Variants in JAK1 observed in about 807,000 individuals in gnomAD.
JAK1 encodes the protein tyrosine-protein kinase JAK1.
In JAK1, 16 loss-of-function variants were observed where a neutral mutation model predicts 136.6. That is an observed-to-expected ratio of 0.12 (90% CI 0.08 to 0.18). JAK1 has a LOEUF of 0.18. Ranked by LOEUF, JAK1 falls within the 10% of genes least tolerant of loss-of-function variation. JAK1 has a pLI of 1.00. For synonymous variants in JAK1, 492 were observed against 519.5 expected (o/e 0.95, Z 0.72); for missense variants, 859 against 1,450.1 (o/e 0.59, Z 6.62).
chr1:64,838,579 A>C lies in JAK1; in HGVS notation c.2853T>G (p.Gly951=). The change falls in exon 21 of 25, where the codon GGT becomes GGG. Residue 951 remains glycine, a synonymous_variant. Coordinates refer to ENST00000342505, the MANE Select transcript of JAK1 (RefSeq NM_002227.4). ...KGICTEDGGN[G]IKLIMEFLPS... Reference sequence around the variant, plus strand: ...GCAGAAATTCCATGATGAGCTTAATACCATTTCCTCCTGTTTAGAAAAAAC... The same window carrying C: ...GCAGAAATTCCATGATGAGCTTAATCCCATTTCCTCCTGTTTAGAAAAAAC... 1 of 1,613,802 alleles carries C rather than the reference A, an allele frequency of 6.2e-7. No homozygotes were observed.
chr1:64,948,871 G>A (rs1466411015), intron 1 of JAK1, among the ~76,000 whole-genome samples: 1 of 152,204 alleles, frequency 6.6e-6, no homozygotes, highest in Non-Finnish European at 1.5e-5. Context: ...ATGGTACTTG[G>A]AGGGAAATCT....
chr1:64,856,843 T>C (rs111734032), intron 10 of JAK1, among the ~76,000 whole-genome samples: 20 of 126,964 alleles, frequency 1.6e-4, no homozygotes, highest in Non-Finnish European at 2.7e-4. Context: ...GCCCCAGGGG[T>C]TCGCCAATAA....
intron 2 of JAK1, among the ~76,000 whole-genome samples, chr1:64,991,002 T>C (rs533316961): frequency 4.7e-5 from 7 of 149,200 alleles, no homozygotes; most frequent in Middle Eastern, 3.5e-3. Flanking sequence ...AGCCCAGATA[T>C]TGAACTTATT....
intron 4 of JAK1, among the ~76,000 whole-genome samples, chr1:64,874,031 T>C (rs1657238215): frequency 1.3e-5 from 2 of 152,330 alleles, no homozygotes; most frequent in South Asian, 4.1e-4. Flanking sequence ...ACATGATGAA[T>C]AGGATTTTAA....
At chr1:65,050,392 T>C (rs879257535) in intron 1 of JAK1, among the ~76,000 whole-genome samples, 1 of 152,210 alleles carries the variant, frequency 6.6e-6, no homozygotes, top group Admixed American at 6.5e-5. Context: ...GAATCAGTAC[T>C]TAGCCAGAAA....
At chr1:64,928,477 T>C (rs1323431485) in intron 1 of JAK1, among the ~76,000 whole-genome samples, 8 of 152,184 alleles carry the variant, frequency 5.3e-5, no homozygotes, top group Non-Finnish European at 1.2e-4. Context: ...TTCATGTGCC[T>C]ACACAAATAT....
intron 1 of JAK1, among the ~76,000 whole-genome samples, chr1:65,056,599 T>A (rs1233640147): frequency 6.6e-6 from 1 of 152,128 alleles, no homozygotes; most frequent in African/African-American, 2.4e-5. Flanking sequence ...TTGGCAGGGC[T>A]GATAGTAGGT....
At chr1:64,860,026 A>G (rs1656186626) in intron 9 of JAK1, 79 bp downstream of exon 9, 4 of 1,255,860 alleles carry the variant, frequency 3.2e-6, no homozygotes, top group East Asian at 5.2e-5. Context: ...GGCCTGACCT[A>G]AACAATGATG....
chr1:64,984,770 GA>G lies in JAK1; in HGVS notation c.-78+59709del. The G allele has an allele frequency of 1.0e-6, 1 of 997,726 alleles. No homozygotes were observed. The highest frequency in any genetic ancestry group is 1.5e-6 in the Non-Finnish European group (1 of 656,492). 61.8% of individuals were successfully genotyped at this position (997,726 alleles called of 1,614,324 possible). ...GGACTTTGAAGAAGGTAAAGATCAA[GA>G]AGGTAATGAGGAAGTCGGTGAAGAT... On this transcript the variant is annotated intron_variant, in intron 2 of 25. Transcript: ENST00000671954. This position sits in a 1 kb window ranked among gnomAD's most constrained non-coding sequence, Gnocchi z 4.1.
chr1:65,044,223 G>A (rs573938539), intron 2 of JAK1, among the ~76,000 whole-genome samples: 1 of 152,314 alleles, frequency 6.6e-6, no homozygotes, highest in East Asian at 1.9e-4. Flanking sequence ...GGTTGGCAAA[G>A]GTTAGAGATA....
intron 1 of JAK1, among the ~76,000 whole-genome samples, chr1:64,928,798 A>AAAAAAAAAAAAAAAAAAAAAAAAAAAAC (rs1557699679): frequency 1.1e-5 from 1 of 89,988 alleles, no homozygotes; most frequent in Non-Finnish European, 2.0e-5. Context: ...AAAAAAAAAC[A>AAAAAAAAAAAAAAAAAAAAAAAAAAAAC]AAAAAAAAAA....
chr1:64,893,421 C>CA (rs33941848), intron 1 of JAK1, among the ~76,000 whole-genome samples: 32,701 of 152,024 alleles, frequency 0.22, 4,914 homozygotes, highest in African/African-American at 0.42. Flanking sequence ...GGATGCCCTC[C>CA]AAAGTTCCTT....
chr1:64,844,656 T>C lies in JAK1; in HGVS notation c.2251+98A>G, dbSNP rs1193768454. The C allele has an allele frequency of 3.6e-6, 5 of 1,380,622 alleles. No homozygotes were observed. Among genetic ancestry groups the C allele is most frequent in the African/African-American group, 1.5e-5 (1 of 68,050 alleles). The allele number at this position is 1,380,622 out of a possible 1,614,324, so 85.5% of individuals were successfully genotyped here. On this transcript the variant is annotated intron_variant, in intron 16 of 24. Coordinates refer to ENST00000342505, the MANE Select transcript of JAK1 (RefSeq NM_002227.4). This position sits in a 1 kb window ranked among gnomAD's most constrained non-coding sequence, Gnocchi z 5.7. ...TCTCTACTAAAATACAAAAAAAAAA[T>C]GACTCTCTAAAAGGAGACCAACCCC...
At chr1:65,028,512 G>A (rs1346553369) in intron 2 of JAK1, among the ~76,000 whole-genome samples, 2 of 149,390 alleles carry the variant, frequency 1.3e-5, no homozygotes, top group Admixed American at 1.4e-4. Flanking sequence ...AGGGAGGGAG[G>A]GACTGGTATA....
intron 1 of JAK1, among the ~76,000 whole-genome samples, chr1:65,047,258 A>AT (rs1229327523): frequency 6.6e-6 from 1 of 152,150 alleles, no homozygotes; most frequent in African/African-American, 2.4e-5. Context: ...TTAAAAACTG[A>AT]TTTTGAAATT....
intron 1 of JAK1, among the ~76,000 whole-genome samples, chr1:64,961,941 G>A (rs1646289604): frequency 6.6e-6 from 1 of 152,116 alleles, no homozygotes; most frequent in South Asian, 2.1e-4. Context: ...GTACCAAAGA[G>A]ATGTCTGTGC....
chr1:64,834,068 A>ATTTT lies in JAK1; in HGVS notation c.*493_*494insAAAA, dbSNP rs1373867486. ...CTACCTGGTATCTAATATTTTAAGA[A>ATTTT]TGCATGGTCTAGTACTGTATAGATA... On this transcript the variant is annotated 3_prime_UTR_variant, in exon 25 of 25. Coordinates refer to ENST00000342505, the MANE Select transcript of JAK1 (RefSeq NM_002227.4). The ATTTT allele has an allele frequency of 4.3e-6, 1 of 232,972 alleles. No individual in the cohort carries two copies. The highest frequency in any genetic ancestry group is 8.5e-6 in the Non-Finnish European group (1 of 117,988). The allele number at this position is 232,972 out of a possible 1,614,324, so 14.4% of individuals were successfully genotyped here.
chr1:64,857,143 T>G (rs1016379213), intron 10 of JAK1, among the ~76,000 whole-genome samples: 2 of 152,196 alleles, frequency 1.3e-5, no homozygotes, highest in Admixed American at 1.3e-4. Context: ...AAAAGACATC[T>G]CTATTCATTG....
chr1:65,019,557 A>C (rs1254162272), intron 2 of JAK1, among the ~76,000 whole-genome samples: 1 of 151,910 alleles, frequency 6.6e-6, no homozygotes, highest in Admixed American at 6.6e-5. Flanking sequence ...GGAAACTTTT[A>C]AGTGAAATAG....
Sources: gnomAD v4.1 joint callset for allele counts (sites outside exome capture counted in the v4.1 genomes callset) on GRCh38, gnomAD v4.1.1 for gene constraint, Gnocchi (gnomAD v3.1) non-coding constraint, MANE v1.5 for transcripts, NCBI Gene and HGNC (gene_info 2026-07-23, HGNC 2026-07-21) for gene names.